DMD: variants seen among roughly 807,000 people sequenced by gnomAD.
DMD encodes dystrophin.
Under a neutral mutation model 330.1 loss-of-function variants are expected in DMD, and 63 were observed. The observed-to-expected ratio is 0.19, with a 90% CI of 0.16 to 0.24. The LOEUF is 0.24. Ranked by LOEUF, DMD falls within the 10% of genes least tolerant of loss-of-function variation. DMD has a pLI of 1.00. For missense variants in DMD, 3,344 were observed against 2,684.1 expected (o/e 1.25, Z -5.43); for synonymous variants, 1,223 against 959.8 (o/e 1.27, Z -5.07).
chrX:32,060,066 C>T (rs1028663197), intron 44 of DMD, among the ~76,000 whole-genome samples: 5 of 109,803 alleles, frequency 4.6e-5, no homozygotes, highest in African/African-American at 1.3e-4. Context: ...CCTGTCTGCT[C>T]GAAAGCCATA....
At chrX:31,576,022 ATAACT>A (rs1314490697) in intron 55 of DMD, among the ~76,000 whole-genome samples, 1 of 112,122 alleles carries the variant, frequency 8.9e-6, no homozygotes, top group East Asian at 2.8e-4. Flanking sequence ...ATTTTCTAAA[ATAACT>A]TTACTTTGAA....
chrX:32,555,552 C>T (rs768603210), intron 16 of DMD, among the ~76,000 whole-genome samples: 24 of 111,516 alleles, frequency 2.2e-4, no homozygotes, highest in African/African-American at 7.5e-4. Context: ...CCCATTGTCT[C>T]AGCCCAAAAG....
In DMD at chrX:32,753,958, G is replaced by A. The variant is rs771434708; in HGVS notation, c.650-54665C>T. Among the ~76,000 whole-genome samples, 112 of 110,679 alleles carry A rather than the reference G, an allele frequency of 1.0e-3. 1 individual carries two copies. Among genetic ancestry groups the A allele is most frequent in the Non-Finnish European group, 1.8e-3 (96 of 52,939 alleles). ...ATTCTATTTTGTGGGTTTTGACCCCGTGATTTAGCCTATCATGAAAAATTC... is the reference window on the plus strand; with the variant it reads ...ATTCTATTTTGTGGGTTTTGACCCCATGATTTAGCCTATCATGAAAAATTC... On this transcript the variant is annotated intron_variant, in intron 7 of 78. Coordinates refer to ENST00000357033, the MANE Select transcript of DMD (RefSeq NM_004006.3).
intron 41 of DMD, among the ~76,000 whole-genome samples, chrX:32,318,398 T>G: frequency 9.0e-6 from 1 of 111,617 alleles, no homozygotes; most frequent in Middle Eastern, 4.6e-3. Context: ...TAATCTGCGT[T>G]GTCACTGTTT....
rs2098314857 is a variant in DMD, at chrX:32,448,533, T to C, written c.3709A>G (p.Lys1237Glu). The C allele has an allele frequency of 1.7e-6, 2 of 1,208,663 alleles. No individual in the cohort carries two copies. Among genetic ancestry groups the C allele is most frequent in the Non-Finnish European group, 2.2e-6 (2 of 893,258 alleles). Reference sequence around the variant, plus strand: ...GTGGTTAGAGTTTCAAGTTCCTTTTTTAAGGCCTCTTGTGCTACAGGTGGA... The same window carrying C: ...GTGGTTAGAGTTTCAAGTTCCTTTTCTAAGGCCTCTTGTGCTACAGGTGGA... ...QAPPVAQEAL[K>E]KELETLTTNY... Residue 1237 changes from lysine (K) to glutamate (E), a missense_variant, in exon 27 of 79, where the codon AAA becomes GAA. Lys to Glu is a moderately conservative substitution (Grantham distance 56, BLOSUM62 1). Coordinates refer to ENST00000357033, the MANE Select transcript of DMD (RefSeq NM_004006.3).
At chrX:31,989,831 CAG>C (rs1327869893) in intron 44 of DMD, among the ~76,000 whole-genome samples, 6 of 110,800 alleles carry the variant, frequency 5.4e-5, no homozygotes, top group African/African-American at 2.0e-4. Context: ...AATGTAGACT[CAG>C]GGGTACATGT....
intron 44 of DMD, chrX:32,206,460 G>A: frequency 9.3e-6 from 5 of 536,829 alleles, no homozygotes; most frequent in South Asian, 2.2e-5. Flanking sequence ...AGATACTCCA[G>A]CCAAAAATGC....
intron 2 of DMD, among the ~76,000 whole-genome samples, chrX:32,943,056 C>T (rs1184516413): frequency 2.7e-5 from 3 of 110,663 alleles, no homozygotes; most frequent in Non-Finnish European, 5.7e-5. Flanking sequence ...GACTGTAGAC[C>T]ATGAAAAAAT....
intron 60 of DMD, among the ~76,000 whole-genome samples, chrX:31,402,856 C>T (rs769934080): frequency 8.1e-5 from 9 of 111,145 alleles, no homozygotes; most frequent in Non-Finnish European, 1.1e-4. Flanking sequence ...GAGTGATTAA[C>T]GTGATCGTTT....
intron 76 of DMD, among the ~76,000 whole-genome samples, chrX:31,138,027 A>C (rs1466668020): frequency 8.9e-6 from 1 of 112,030 alleles, no homozygotes; most frequent in Non-Finnish European, 1.9e-5. Context: ...GGAAAACAGT[A>C]CTTCCCTGGC....
intron 53 of DMD, among the ~76,000 whole-genome samples, chrX:31,672,263 C>A (rs927430980): frequency 1.8e-5 from 2 of 112,153 alleles, no homozygotes; most frequent in Admixed American, 1.9e-4. Context: ...ATAAAATCTG[C>A]ATTGTATGAT....
At chrX:33,216,675 T>G (rs1463301726) in intron 1 of DMD, among the ~76,000 whole-genome samples, 1 of 112,390 alleles carries the variant, frequency 8.9e-6, no homozygotes, top group Non-Finnish European at 1.9e-5. Flanking sequence ...ACATACATTT[T>G]TCAAAAATAT....
intron 9 of DMD, among the ~76,000 whole-genome samples, chrX:32,668,383 C>A (rs2061439745): frequency 8.9e-6 from 1 of 111,824 alleles, no homozygotes; most frequent in Non-Finnish European, 1.9e-5. Context: ...TAATCACTAT[C>A]AAAACTCAGA....
chrX:31,507,401 T>A lies in DMD; in HGVS notation c.8270A>T (p.Glu2757Val). Residue 2757 changes from glutamate (E) to valine (V), a missense_variant, in exon 56 of 79, where the codon GAA (glutamate) becomes GTA (valine). Glu to Val is a moderately radical substitution (Grantham distance 121). Transcript: ENST00000357033. The part of the protein sequence containing the change: ...AHTDVYHNLD[E>V]NSQKILRSLE... ...GGATCTCAGGATTTTTTGGCTGTTT[T>A]CATCCAGGTTGTGATAAACATCTGT... 8.3e-7 allele frequency: 1 copy of A among 1,211,185 alleles called. No individual in the cohort carries two copies. Among genetic ancestry groups the A allele is most frequent in the Non-Finnish European group, 1.1e-6 (1 of 894,995 alleles).
intron 34 of DMD, among the ~76,000 whole-genome samples, chrX:32,368,733 T>A (rs1159947511): frequency 9.0e-6 from 1 of 111,396 alleles, no homozygotes; most frequent in Non-Finnish European, 1.9e-5. Flanking sequence ...AGATATGGCA[T>A]TTCCTCCTTT....
chrX:32,951,675 A>G (rs1159833536), intron 2 of DMD, among the ~76,000 whole-genome samples: 1 of 112,020 alleles, frequency 8.9e-6, no homozygotes, highest in East Asian at 2.8e-4. Context: ...CATTATTCAT[A>G]TAATCCAAGA....
chrX:33,120,878 C>CAAAAA (rs1171070469), intron 1 of DMD, among the ~76,000 whole-genome samples: 3 of 36,691 alleles, frequency 8.2e-5, no homozygotes, highest in Non-Finnish European at 1.3e-4. Flanking sequence ...ATGACTCTCT[C>CAAAAA]AAAAAAAAAA....
intron 1 of DMD, among the ~76,000 whole-genome samples, chrX:33,081,990 C>T (rs1363859542): frequency 2.8e-5 from 3 of 105,448 alleles, no homozygotes; most frequent in Non-Finnish European, 3.9e-5. Flanking sequence ...AAAACGGGTT[C>T]TGTGGTGCCT....
intron 61 of DMD, among the ~76,000 whole-genome samples, chrX:31,343,853 T>C (rs1325839859): frequency 1.8e-5 from 2 of 111,183 alleles, no homozygotes; most frequent in Admixed American, 9.7e-5. Context: ...AAAGTATCAA[T>C]TCAAATTCAT....
Sources: gnomAD v4.1 joint callset for allele counts (sites outside exome capture counted in the v4.1 genomes callset) on GRCh38, gnomAD v4.1.1 for gene constraint, MANE v1.5 for transcripts, NCBI Gene and HGNC (gene_info 2026-07-23, HGNC 2026-07-21) for gene names.